Variants in CRPPA observed in about 807,000 individuals in gnomAD.
CRPPA encodes D-ribitol-5-phosphate cytidylyltransferase.
In CRPPA, 43 loss-of-function variants were observed where a neutral mutation model predicts 52.0. The ratio of observed to expected loss-of-function variants is 0.83; its 90% CI spans 0.65 to 1.07. The LOEUF (loss-of-function observed/expected upper bound fraction) is 1.07, where lower values mean the gene tolerates loss of function less well. Ranked by LOEUF, CRPPA falls within the 50% of genes least tolerant of loss-of-function variation. The pLI is 0.00. For missense variants in CRPPA, 629 were observed against 551.7 expected (o/e 1.14, Z -1.40); for synonymous variants, 250 against 203.5 (o/e 1.23, Z -1.94).
At chr7:16,253,737 G>A (rs977261667) in intron 8 of CRPPA, among the ~76,000 whole-genome samples, 4 of 152,004 alleles carry the variant, frequency 2.6e-5, no homozygotes, top group Admixed American at 6.6e-5. Flanking sequence ...ATTGACAAAC[G>A]GGATCTAATT....
chr7:16,409,869 A>G (rs1246618478), intron 1 of CRPPA, among the ~76,000 whole-genome samples: 1 of 152,212 alleles, frequency 6.6e-6, no homozygotes, highest in East Asian at 1.9e-4. Context: ...TAGGCTCCAT[A>G]TAGAGACAAT....
intron 3 of CRPPA, among the ~76,000 whole-genome samples, chr7:16,342,167 T>A (rs1583533353): frequency 6.6e-6 from 1 of 152,304 alleles, no homozygotes; most frequent in Middle Eastern, 3.4e-3. Context: ...GACCCTCTGA[T>A]TATGTGTCCT....
At chr7:16,179,027 T>A (rs556812388) in intron 9 of CRPPA, among the ~76,000 whole-genome samples, 50 of 150,912 alleles carry the variant, frequency 3.3e-4, no homozygotes, top group African/African-American at 1.2e-3. Context: ...ACGAATCTTA[T>A]CTCAATTTAG....
At chr7:16,190,873 T>C (rs1781595541) in intron 9 of CRPPA, among the ~76,000 whole-genome samples, 1 of 152,122 alleles carries the variant, frequency 6.6e-6, no homozygotes, top group Admixed American at 6.6e-5. Context: ...CGTTTGGTTT[T>C]CCACTCCCCA....
intron 9 of CRPPA, 65 bp downstream of exon 9, chr7:16,216,001 A>G (rs1261325300): frequency 3.2e-6 from 4 of 1,268,926 alleles, no homozygotes; most frequent in Admixed American, 2.4e-5. Context: ...CTTTTAACAA[A>G]TCAGATACCT....
At chr7:16,331,738 T>C (rs768161539) in intron 3 of CRPPA, among the ~76,000 whole-genome samples, 1 of 152,150 alleles carries the variant, frequency 6.6e-6, no homozygotes. Context: ...ATTAGCAGAC[T>C]GAAAATGGCT....
intron 9 of CRPPA, among the ~76,000 whole-genome samples, chr7:16,136,466 AATTC>A (rs1233619991): frequency 4.7e-4 from 71 of 152,224 alleles, no homozygotes; most frequent in African/African-American, 1.4e-3. Context: ...GTTCCATCTG[AATTC>A]AGAAAACTAT....
intron 8 of CRPPA, among the ~76,000 whole-genome samples, chr7:16,228,051 A>G (rs1322839039): frequency 2.0e-5 from 3 of 151,844 alleles, no homozygotes; most frequent in African/African-American, 7.2e-5. Context: ...CGTTGGCTAT[A>G]AACATGGGAT....
At chr7:16,120,992 T>G (rs1527205) in intron 9 of CRPPA, among the ~76,000 whole-genome samples, 57,199 of 151,756 alleles carry the variant, frequency 0.38, 11,765 homozygotes, top group East Asian at 0.63. Context: ...TCACTGATCT[T>G]AAGAAAAAAA....
chr7:16,306,212 G>C (rs1784908470), intron 4 of CRPPA, among the ~76,000 whole-genome samples: 1 of 152,184 alleles, frequency 6.6e-6, no homozygotes, highest in African/African-American at 2.4e-5. Context: ...TTCCAAATAA[G>C]GTCACATTCA....
rs550394161 is a variant in CRPPA at position 16,395,756 on chromosome 7, T to A, written c.534+10305A>T. ...CCATTTACCCTCATTATAACATGAT[T>A]GGGAATATACTAGGATGTTAAACAT... On this transcript the variant is annotated intron_variant, in intron 2 of 9. Coordinates refer to ENST00000407010, the MANE Select transcript of CRPPA (RefSeq NM_001101426.4). Among the ~76,000 whole-genome samples the A allele has an allele frequency of 2.6e-5, 4 of 152,338 alleles. No homozygotes were observed. The South Asian group carries it at 6.2e-4, about 24-fold the overall frequency.
chr7:16,359,481 C>A (rs1786387485), intron 3 of CRPPA, among the ~76,000 whole-genome samples: 1 of 152,156 alleles, frequency 6.6e-6, no homozygotes. Context: ...ATGTAGCCAG[C>A]AGTTTTAACT....
intron 9 of CRPPA, among the ~76,000 whole-genome samples, chr7:16,165,614 TCAG>T: frequency 6.6e-6 from 1 of 152,356 alleles, no homozygotes; most frequent in Non-Finnish European, 1.5e-5. Flanking sequence ...ATATTCATTG[TCAG>T]ATGGAACCCA....
chr7:16,124,803 T>C (rs1782543938), intron 9 of CRPPA, among the ~76,000 whole-genome samples: 1 of 152,298 alleles, frequency 6.6e-6, no homozygotes, highest in Non-Finnish European at 1.5e-5. Context: ...TGTATACATG[T>C]ATCAAAATGT....
At chr7:16,257,386 T>A (rs965782496) in intron 8 of CRPPA, among the ~76,000 whole-genome samples, 1 of 152,148 alleles carries the variant, frequency 6.6e-6, no homozygotes, top group Non-Finnish European at 1.5e-5. Context: ...ATATTCCATA[T>A]TGTTTCTAAA....
At chr7:16,399,253 G>T (rs953962261) in intron 2 of CRPPA, among the ~76,000 whole-genome samples, 2 of 152,110 alleles carry the variant, frequency 1.3e-5, no homozygotes, top group East Asian at 3.9e-4. Context: ...AATCGCACAG[G>T]TCCAACATGT....
chr7:16,107,855 A>T (rs962505894), intron 9 of CRPPA, among the ~76,000 whole-genome samples: 12 of 152,080 alleles, frequency 7.9e-5, no homozygotes, highest in African/African-American at 2.9e-4. Context: ...GACATCAAAA[A>T]TATAAAATGT....
chr7:16,241,628 T>C (rs969822372), intron 8 of CRPPA, among the ~76,000 whole-genome samples: 3 of 152,212 alleles, frequency 2.0e-5, no homozygotes, highest in Non-Finnish European at 2.9e-5. Context: ...ACTTGCTGTG[T>C]TTCTTTAAAA....
chr7:16,391,084 T>C (rs1365119073), intron 2 of CRPPA, among the ~76,000 whole-genome samples: 1 of 152,176 alleles, frequency 6.6e-6, no homozygotes, highest in African/African-American at 2.4e-5. Context: ...ATTCTGGATT[T>C]GCACTTCCAA....
Sources: allele counts gnomAD v4.1 joint callset (sites outside exome capture counted in the v4.1 genomes callset), GRCh38; gene constraint gnomAD v4.1.1; transcripts MANE v1.5; gene names NCBI Gene and HGNC (gene_info 2026-07-23, HGNC 2026-07-21).